SCN11A: variants seen among roughly 807,000 people sequenced by gnomAD.
SCN11A encodes sodium voltage-gated channel alpha subunit 11, also known as sodium channel protein type 11 subunit alpha.
Under a neutral mutation model 162.2 loss-of-function variants are expected in SCN11A, and 122 were observed. The ratio of observed to expected loss-of-function variants is 0.75; its 90% CI spans 0.65 to 0.87. The LOEUF (loss-of-function observed/expected upper bound fraction) is 0.87. Among genes scored for constraint, SCN11A ranks in the 40% least tolerant of loss-of-function variants. The pLI is 0.00. For missense variants in SCN11A, 2,015 were observed against 2,181.6 expected (o/e 0.92, Z 1.52); for synonymous variants, 758 against 751.5 (o/e 1.01, Z -0.14).
At chr3:38,971,133 C>G (rs1409467264) in intron 2 of SCN11A, among the ~76,000 whole-genome samples, 1 of 152,056 alleles carries the variant, frequency 6.6e-6, no homozygotes, top group Non-Finnish European at 1.5e-5. Context: ...CACTTACACA[C>G]TCACATTTTT....
intron 7 of SCN11A, 98 bp from the exon 8 acceptor site, chr3:38,927,029 T>G (rs1392021428): frequency 8.5e-7 from 1 of 1,171,250 alleles, no homozygotes; most frequent in African/African-American, 1.5e-5. Context: ...TTTTTCCATT[T>G]CAATGTGACA....
intron 27 of SCN11A, among the ~76,000 whole-genome samples, chr3:38,867,016 C>A (rs1260243341): frequency 6.6e-6 from 1 of 152,112 alleles, no homozygotes; most frequent in Non-Finnish European, 1.5e-5. Context: ...AAATACTAAT[C>A]CTGGTGGTTG....
At chr3:38,920,969 T>C (rs1206171928) in intron 10 of SCN11A, 107 bp downstream of exon 10, 1 of 1,039,376 alleles carries the variant, frequency 9.6e-7, no homozygotes, top group Non-Finnish European at 1.5e-6. Flanking sequence ...AAGTCCTCCC[T>C]TGCTGCTAAG....
intron 23 of SCN11A, among the ~76,000 whole-genome samples, chr3:38,872,962 A>G (rs547086286): frequency 2.0e-5 from 3 of 152,310 alleles, no homozygotes; most frequent in African/African-American, 7.2e-5. Context: ...GAAAAAATAA[A>G]TTATTTGCTA....
Position 38,871,593 on chromosome 3 carries a change from A to T in SCN11A, c.3611T>A (p.Phe1204Tyr). The change falls in exon 25 of 30, where the codon TTT (phenylalanine) becomes TAT (tyrosine). Residue 1204 changes from phenylalanine (F) to tyrosine (Y), a missense_variant. By Grantham distance (22) the Phe-to-Tyr change is conservative. Coordinates refer to ENST00000302328, the MANE Select transcript of SCN11A (RefSeq NM_001349253.2). ...ILGVYFFSGK[F>Y]GKCINGTDSV... ...GTCTGTTCCATTAATGCATTTCCCAAATTTTCCAGAAAAGAAGTATACTCC... is the reference window on the plus strand; with the variant it reads ...GTCTGTTCCATTAATGCATTTCCCATATTTTCCAGAAAAGAAGTATACTCC... The T allele has an allele frequency of 1.2e-6, 2 of 1,613,160 alleles. No individual in the cohort carries two copies. The highest frequency in any genetic ancestry group is 2.7e-5 in the African/African-American group (2 of 75,000).
At chr3:38,855,408 T>C (rs1196374292) in intron 28 of SCN11A, among the ~76,000 whole-genome samples, 2 of 152,218 alleles carry the variant, frequency 1.3e-5, no homozygotes, top group Non-Finnish European at 2.9e-5. Context: ...TGCCTAACCC[T>C]GCCCTCACCT....
At chr3:38,954,620 T>C (rs1457610852) in intron 3 of SCN11A, among the ~76,000 whole-genome samples, 2 of 151,856 alleles carry the variant, frequency 1.3e-5, no homozygotes, top group Non-Finnish European at 2.9e-5. Context: ...AAATTTGTTA[T>C]AGATGATAAA....
intron 9 of SCN11A, among the ~76,000 whole-genome samples, chr3:38,922,104 G>A (rs981285041): frequency 8.5e-5 from 13 of 152,224 alleles, no homozygotes; most frequent in African/African-American, 3.1e-4. Flanking sequence ...TGAGTCTCAA[G>A]ATAGCTGGAG....
chr3:38,864,256 A>G (rs2065008808), intron 27 of SCN11A, among the ~76,000 whole-genome samples: 1 of 152,160 alleles, frequency 6.6e-6, no homozygotes, highest in African/African-American at 2.4e-5. Context: ...GCTTACTTTG[A>G]TGAGGGTTTG....
chr3:39,004,304 C>T (rs892751769), intron 2 of SCN11A, among the ~76,000 whole-genome samples: 3 of 152,102 alleles, frequency 2.0e-5, no homozygotes, highest in Non-Finnish European at 2.9e-5. Context: ...TTACTTTTGT[C>T]AGCTTTGTCA....
chr3:38,871,917 G>A (rs2065133410), intron 24 of SCN11A, among the ~76,000 whole-genome samples: 1 of 152,126 alleles, frequency 6.6e-6, no homozygotes, highest in Non-Finnish European at 1.5e-5. Flanking sequence ...GATACCTTGA[G>A]AAGTGCCCTG....
intron 2 of SCN11A, among the ~76,000 whole-genome samples, chr3:38,961,753 T>C (rs1180883486): frequency 6.6e-6 from 1 of 152,198 alleles, no homozygotes; most frequent in Non-Finnish European, 1.5e-5. Context: ...TGTTACTGAT[T>C]TGTTTGAGTT....
chr3:38,961,714 T>C (rs941617885), intron 2 of SCN11A, among the ~76,000 whole-genome samples: 34 of 152,204 alleles, frequency 2.2e-4, no homozygotes, highest in African/African-American at 6.0e-4. Flanking sequence ...AAAAAATTAT[T>C]TTTCTGATAG....
chr3:39,041,445 A>T (rs948860152), intron 1 of SCN11A, among the ~76,000 whole-genome samples: 4 of 152,224 alleles, frequency 2.6e-5, no homozygotes, highest in Admixed American at 2.0e-4. Flanking sequence ...GAGAATTTTT[A>T]AAACAGCAAG....
intron 2 of SCN11A, among the ~76,000 whole-genome samples, chr3:38,997,440 G>A (rs973568167): frequency 2.0e-5 from 3 of 152,130 alleles, no homozygotes; most frequent in African/African-American, 7.2e-5. Context: ...ATCTATACCA[G>A]TCACCCTATT....
At chr3:38,860,161 C>T (rs1024252385) in intron 28 of SCN11A, among the ~76,000 whole-genome samples, 1 of 152,068 alleles carries the variant, frequency 6.6e-6, no homozygotes, top group Non-Finnish European at 1.5e-5. Flanking sequence ...ATTTCCCTAG[C>T]CCCTACCCAC....
intron 22 of SCN11A, among the ~76,000 whole-genome samples, chr3:38,880,959 G>A (rs945031862): frequency 1.3e-5 from 2 of 152,130 alleles, no homozygotes; most frequent in Admixed American, 6.6e-5. Flanking sequence ...TGAAATTTAC[G>A]TCAACATTGA....
intron 11 of SCN11A, among the ~76,000 whole-genome samples, chr3:38,915,648 G>C (rs2065949685): frequency 6.6e-6 from 1 of 151,946 alleles, no homozygotes; most frequent in African/African-American, 2.4e-5. Context: ...TATTTTTATT[G>C]TGCTGTGGTC....
chr3:39,019,716 T>C (rs927077253), intron 2 of SCN11A, among the ~76,000 whole-genome samples: 1 of 152,238 alleles, frequency 6.6e-6, no homozygotes, highest in African/African-American at 2.4e-5. Context: ...CTTAATTTGT[T>C]CTTTTCATAA....
Sources: gnomAD v4.1 joint callset for allele counts (sites outside exome capture counted in the v4.1 genomes callset) on GRCh38, gnomAD v4.1.1 for gene constraint, MANE v1.5 for transcripts, NCBI Gene and HGNC (gene_info 2026-07-23, HGNC 2026-07-21) for gene names.